The following DNAAF9 variants were observed in gnomAD, a reference collection of about 807,000 sequenced individuals.
DNAAF9 encodes the protein dynein axonemal assembly factor 9.
In DNAAF9, 90 loss-of-function variants were observed where a neutral mutation model predicts 167.0. The observed-to-expected ratio is 0.54, with a 90% confidence interval of 0.45 to 0.64. The LOEUF (loss-of-function observed/expected upper bound fraction) is 0.64, where lower values mean the gene tolerates loss of function less well. DNAAF9 is among the 30% of genes least tolerant of loss of function. The pLI is 0.00. For missense variants in DNAAF9, 1,315 were observed against 1,442.2 expected, an observed-to-expected ratio of 0.91 and a Z score of 1.43; for synonymous variants, 491 against 508.8, an observed-to-expected ratio of 0.96 and a Z score of 0.47.
intron 1 of DNAAF9, among the ~76,000 whole-genome samples, chr20:3,392,542 T>C (rs1211964516): frequency 2.0e-5 from 3 of 152,242 alleles, no homozygotes; most frequent in Admixed American, 6.5e-5. Flanking sequence ...TTCTTTCTGC[T>C]GAACCCCACT....
intron 10 of DNAAF9, among the ~76,000 whole-genome samples, chr20:3,339,595 T>C (rs930568045): frequency 6.6e-6 from 1 of 152,180 alleles, no homozygotes; most frequent in African/African-American, 2.4e-5. Flanking sequence ...TAACCCCCTA[T>C]TATATTGTAG....
At chr20:3,263,470 A>G (rs964798670) in intron 31 of DNAAF9, among the ~76,000 whole-genome samples, 17 of 152,206 alleles carry the variant, frequency 1.1e-4, no homozygotes, top group Admixed American at 7.9e-4. Flanking sequence ...CTATACAGGA[A>G]TAAGTGTAGC....
At position 3,353,641 on chromosome 20, in the gene DNAAF9, C is replaced by T. The variant is rs1452403106; in HGVS notation, c.691-5018G>A. Reference sequence around the variant, plus strand: ...AGACCCTGTCCCCCCGCACCACCCCCCCCCCCGCAAAAAAAAAGGCTATTA... The same window carrying T: ...AGACCCTGTCCCCCCGCACCACCCCTCCCCCCGCAAAAAAAAAGGCTATTA... On this transcript the variant is annotated intron_variant, in intron 7 of 36. Coordinates refer to ENST00000252032, the MANE Select transcript of DNAAF9 (RefSeq NM_001009984.3). Among the ~76,000 whole-genome samples, 125 of 121,922 alleles carry T rather than the reference C, an allele frequency of 1.0e-3. 5 individuals carry two copies. Among genetic ancestry groups the T allele is most frequent in the African/African-American group, 3.3e-3 (110 of 33,086 alleles). 80.0% of individuals were successfully genotyped at this position (121,922 alleles called of 152,430 possible).
At position 3,304,406 on chromosome 20, in the gene DNAAF9, G is replaced by A. The variant is rs148496659; in HGVS notation, c.1782+34C>T. 1.0e-3 allele frequency: 997 copies of A among 955,408 alleles called. 2 individuals are homozygous for A. Among genetic ancestry groups the A allele is most frequent in the Non-Finnish European group, 1.2e-3 (670 of 581,804 alleles). 59.2% of individuals were successfully genotyped at this position (955,408 alleles called of 1,614,324 possible). A position where few individuals can be genotyped will look rare whatever the true frequency, so the allele number is the denominator to read the frequency against. The stretch of plus-strand genomic sequence containing the variant: ...CCCTCAAAAGTGTGAGCAACTTTCC[G>A]ACCAAAAAAGCCACTGACTAGTAAA... On this transcript the variant is annotated intron_variant, in intron 21 of 36. Transcript: ENST00000252032.
intron 1 of DNAAF9, among the ~76,000 whole-genome samples, chr20:3,391,026 G>A (rs2083819358): frequency 6.6e-6 from 1 of 152,108 alleles, no homozygotes; most frequent in Non-Finnish European, 1.5e-5. Flanking sequence ...GAAAAAAACA[G>A]CTCCCCAACT....
chr20:3,264,361 C>CTTT, intron 31 of DNAAF9, 77 bp downstream of exon 31: 4 of 596,332 alleles, frequency 6.7e-6, no homozygotes, highest in South Asian at 2.1e-5. Context: ...CACCTTCTCT[C>CTTT]TTTTTTTTTT....
At chr20:3,317,380 A>C (rs963095445) in intron 17 of DNAAF9, among the ~76,000 whole-genome samples, 1 of 148,136 alleles carries the variant, frequency 6.8e-6, no homozygotes, top group East Asian at 2.0e-4. Context: ...AAAAAAAAAA[A>C]ACCCCAAAAC....
At chr20:3,373,954 T>C in intron 6 of DNAAF9, 94 bp downstream of exon 6, 1 of 756,682 alleles carries the variant, frequency 1.3e-6, no homozygotes, top group Non-Finnish European at 2.3e-6. Context: ...AACTGCCAGC[T>C]TTTTGGTGTT....
At chr20:3,361,289 A>C (rs1172786068) in intron 6 of DNAAF9, among the ~76,000 whole-genome samples, 2 of 152,124 alleles carry the variant, frequency 1.3e-5, no homozygotes, top group Admixed American at 1.3e-4. Context: ...GTTACAATCT[A>C]TGCTTTGGCC....
intron 31 of DNAAF9, among the ~76,000 whole-genome samples, chr20:3,261,180 G>A (rs748457305): frequency 4.0e-5 from 6 of 151,450 alleles, no homozygotes; most frequent in African/African-American, 1.2e-4. Context: ...TAGTTGCTAC[G>A]ACACATGCCA....
chr20:3,252,797 G>C (rs938483741), intron 36 of DNAAF9, 113 bp from the exon 37 acceptor site: 1 of 709,666 alleles, frequency 1.4e-6, no homozygotes, highest in African/African-American at 1.8e-5. Flanking sequence ...TGAGTGTCTG[G>C]CCCATAGAGA....
intron 20 of DNAAF9, among the ~76,000 whole-genome samples, chr20:3,312,559 T>C (rs1349492882): frequency 2.0e-5 from 3 of 152,140 alleles, no homozygotes; most frequent in Admixed American, 2.0e-4. Flanking sequence ...CTTCAGGGGA[T>C]GGGAACAGAT....
chr20:3,399,446 G>A (rs1319697712), intron 1 of DNAAF9, among the ~76,000 whole-genome samples: 3 of 152,008 alleles, frequency 2.0e-5, no homozygotes, highest in Admixed American at 6.6e-5. Flanking sequence ...CTGACCTTGC[G>A]ATCCGCCCGC....
chr20:3,287,525 T>C, intron 27 of DNAAF9, 107 bp downstream of exon 27: 1 of 1,043,024 alleles, frequency 9.6e-7, no homozygotes, highest in Non-Finnish European at 1.5e-6. Flanking sequence ...ACACTGCTCA[T>C]GCATGTAGAG....
chr20:3,402,035 G>A (rs2083994869), intron 1 of DNAAF9, among the ~76,000 whole-genome samples: 2 of 152,176 alleles, frequency 1.3e-5, no homozygotes, highest in Admixed American at 1.3e-4. Flanking sequence ...GAACTTACAT[G>A]TGTGAAATAT....
intron 20 of DNAAF9, among the ~76,000 whole-genome samples, chr20:3,307,980 A>AAC (rs935375228): frequency 4.6e-5 from 7 of 151,086 alleles, no homozygotes; most frequent in African/African-American, 1.5e-4. Flanking sequence ...AAAAAAAAAA[A>AAC]AAAAAAAACT....
chr20:3,308,859 T>C (rs1392760082), intron 20 of DNAAF9, among the ~76,000 whole-genome samples: 1 of 150,696 alleles, frequency 6.6e-6, no homozygotes, highest in South Asian at 2.1e-4. Flanking sequence ...CATGCCCACA[T>C]GACTCCTCCT....
At chr20:3,272,113 A>C (rs939875059) in intron 29 of DNAAF9, among the ~76,000 whole-genome samples, 2 of 152,114 alleles carry the variant, frequency 1.3e-5, no homozygotes, top group Non-Finnish European at 2.9e-5. Flanking sequence ...TTCAAACAAA[A>C]ATACTTCAAC....
In DNAAF9 at chr20:3,290,178, C is replaced by A; in HGVS notation, c.2278G>T (p.Ala760Ser). 6.2e-7 allele frequency: 1 copy of A among 1,613,304 alleles called. No homozygotes were observed. Among genetic ancestry groups the A allele is most frequent in the Non-Finnish European group, 8.5e-7 (1 of 1,179,220 alleles). The change falls in exon 26 of 37, where the codon GCT (alanine) becomes TCT (serine). Residue 760 changes from alanine to serine, a missense_variant. Physicochemically the swap from Ala to Ser is moderately conservative, Grantham distance 99 (BLOSUM62 1). This residue lies in a region of DNAAF9 where 981 missense variants were observed against 1,012.5 expected (regional missense o/e 0.97). Coordinates refer to ENST00000252032, the MANE Select transcript of DNAAF9 (RefSeq NM_001009984.3). ...SIVTGLPGCH[A>S]SELCAFLVTL... ...ACCAGAAAAGCACAGAGCTCGCTAG[C>A]GTGACAGCCTGGGAGGCCGGTTACA...
Sources: allele counts gnomAD v4.1 joint callset (sites outside exome capture counted in the v4.1 genomes callset), GRCh38; gene constraint gnomAD v4.1.1; regional missense constraint gnomAD v4.1.1; transcripts MANE v1.5; gene names NCBI Gene and HGNC (gene_info 2026-07-23, HGNC 2026-07-21).